Variants in LOC122539214 observed in about 807,000 individuals in gnomAD.
the LOC122539214 span, among the ~76,000 whole-genome samples, chr19:52,674,689 T>A: frequency 7.1e-6 from 1 of 140,528 alleles, no homozygotes; most frequent in Non-Finnish European, 1.5e-5. Flanking sequence ...TAAACTAAGA[T>A]ATACTTAGGA....
the LOC122539214 span, chr19:52,654,003 A>T: frequency 6.6e-7 from 1 of 1,522,388 alleles, no homozygotes. Flanking sequence ...TGAGCCTACA[A>T]GAAATTCTTT....
the LOC122539214 span, among the ~76,000 whole-genome samples, chr19:52,677,418 G>A: frequency 6.6e-6 from 1 of 151,860 alleles, no homozygotes; most frequent in African/African-American, 2.4e-5. Context: ...CCCTGGCAGT[G>A]GAGGTTGCAG....
chr19:52,678,134 C>T, the LOC122539214 span, among the ~76,000 whole-genome samples: 1 of 151,818 alleles, frequency 6.6e-6, no homozygotes, highest in Non-Finnish European at 1.5e-5. Flanking sequence ...CAATAATGCG[C>T]TAACTAAAAT....
At chr19:52,683,603 A>C in the LOC122539214 span, among the ~76,000 whole-genome samples, 1 of 151,900 alleles carries the variant, frequency 6.6e-6, no homozygotes, top group Non-Finnish European at 1.5e-5. Context: ...TGGGAGCTGG[A>C]GTGAGGCAGT....
At chr19:52,690,066 C>T in the LOC122539214 span, among the ~76,000 whole-genome samples, 7 of 151,862 alleles carry the variant, frequency 4.6e-5, no homozygotes, top group African/African-American at 1.7e-4. Context: ...GGGGCCGCGG[C>T]GCTGCGCTTC....
At chr19:52,650,844 C>T in the LOC122539214 span, 4 of 152,152 alleles carry the variant, frequency 2.6e-5, no homozygotes, top group Non-Finnish European at 4.4e-5. Flanking sequence ...CTTCATTAAA[C>T]CTGTTTACTA....
the LOC122539214 span, among the ~76,000 whole-genome samples, chr19:52,676,021 T>G: frequency 6.6e-6 from 1 of 152,028 alleles, no homozygotes; most frequent in African/African-American, 2.4e-5. Context: ...AAACCCTGTC[T>G]CTACTAACAA....
chr19:52,661,232 G>A, the LOC122539214 span, among the ~76,000 whole-genome samples: 8 of 152,162 alleles, frequency 5.3e-5, no homozygotes, highest in South Asian at 1.5e-3. Context: ...ACCTTACCCG[G>A]TATAAAGACT....
the LOC122539214 span, among the ~76,000 whole-genome samples, chr19:52,672,448 T>C: frequency 2.0e-5 from 3 of 152,118 alleles, no homozygotes; most frequent in Non-Finnish European, 2.9e-5. Flanking sequence ...TATTAGCAAG[T>C]TTAAAAAAGC....
chr19:52,660,504 G>A, the LOC122539214 span, among the ~76,000 whole-genome samples: 1 of 150,148 alleles, frequency 6.7e-6, no homozygotes, highest in Non-Finnish European at 1.5e-5. Flanking sequence ...TATAATCACA[G>A]CTGCTTGGGA....
chr19:52,659,818 CAGAGAT>C, the LOC122539214 span, among the ~76,000 whole-genome samples: 1 of 152,180 alleles, frequency 6.6e-6, no homozygotes, highest in African/African-American at 2.4e-5. Context: ...TGTCAAAATT[CAGAGAT>C]AGAGAAAGAA....
At chr19:52,660,447 T>C in the LOC122539214 span, among the ~76,000 whole-genome samples, 1 of 152,046 alleles carries the variant, frequency 6.6e-6, no homozygotes, top group Non-Finnish European at 1.5e-5. Flanking sequence ...GGTGAAATCC[T>C]GTCTCTATTA....
chr19:52,671,996 G>A, the LOC122539214 span, among the ~76,000 whole-genome samples: 3 of 152,128 alleles, frequency 2.0e-5, no homozygotes, highest in South Asian at 4.1e-4. Context: ...ACTTTGGGAG[G>A]TCGAGGCAGG....
At chr19:52,688,359 G>T in the LOC122539214 span, among the ~76,000 whole-genome samples, 2 of 150,124 alleles carry the variant, frequency 1.3e-5, no homozygotes, top group African/African-American at 4.9e-5. Flanking sequence ...TTTTGGCAGA[G>T]ATAAGGATCT....
At chr19:52,664,184 A>ATTT in the LOC122539214 span, among the ~76,000 whole-genome samples, 1 of 141,818 alleles carries the variant, frequency 7.1e-6, no homozygotes, top group Non-Finnish European at 1.5e-5. Flanking sequence ...CACCAGGCCT[A>ATTT]TTTTTTTTTT....
chr19:52,661,950 C>G, the LOC122539214 span, among the ~76,000 whole-genome samples: 1 of 152,134 alleles, frequency 6.6e-6, no homozygotes. Flanking sequence ...GGTGAAGGCC[C>G]TGAGACAGGA....
the LOC122539214 span, among the ~76,000 whole-genome samples, chr19:52,660,097 A>G: frequency 6.6e-6 from 1 of 152,138 alleles, no homozygotes; most frequent in African/African-American, 2.4e-5. Flanking sequence ...AGGCTGAGGC[A>G]GGAGAATTGC....
At chr19:52,682,677 GAAA>G in the LOC122539214 span, among the ~76,000 whole-genome samples, 3 of 342 alleles carry the variant, frequency 8.8e-3, no homozygotes, top group Non-Finnish European at 0.018. Flanking sequence ...CAAAAAACAA[GAAA>G]AAGAAAAAGA....
the LOC122539214 span, among the ~76,000 whole-genome samples, chr19:52,687,592 A>T: frequency 4.8e-5 from 1 of 20,742 alleles, no homozygotes; most frequent in African/African-American, 3.2e-4. Context: ...ATATATATAT[A>T]TATAATGTAT....
Sources: allele counts gnomAD v4.1 joint callset (sites outside exome capture counted in the v4.1 genomes callset), GRCh38; gene constraint gnomAD v4.1.1; transcripts MANE v1.5.